Variants in EXOSC7 observed in about 807,000 individuals in gnomAD.
The protein encoded by EXOSC7 is exosome complex component RRP42.
EXOSC7 carries 25 observed loss-of-function variants against 34.3 expected under a neutral mutation model. The ratio of observed to expected loss-of-function variants is 0.73; its 90% CI spans 0.53 to 1.02. The LOEUF (loss-of-function observed/expected upper bound fraction) is 1.02, where lower values mean the gene tolerates loss of function less well. Ranked by LOEUF, EXOSC7 falls within the 50% of genes least tolerant of loss-of-function variation. The pLI is 0.00. For missense variants in EXOSC7, 370 were observed against 368.5 expected (o/e 1.00, Z -0.03); for synonymous variants, 130 against 143.0 (o/e 0.91, Z 0.65).
Position 45,011,393 on chromosome 3 carries a change from G to T in EXOSC7, c.*54G>T. On this transcript the variant is annotated 3_prime_UTR_variant, in exon 8 of 8. Transcript: ENST00000265564. ...TGTTTTTTACTTTTCCTTTTAAACC[G>T]GTTCGTATATATTTTTCTTCGCTGT... 8.8e-7 allele frequency: 1 copy of T among 1,138,482 alleles called. No homozygotes were observed. The highest frequency in any genetic ancestry group is 1.3e-6 in the Non-Finnish European group (1 of 776,498). 70.5% of individuals were successfully genotyped at this position (1,138,482 alleles called of 1,614,324 possible).
chr3:45,007,631 C>G, intron 7 of EXOSC7, 56 bp downstream of exon 7: 1 of 1,508,538 alleles, frequency 6.6e-7, no homozygotes, highest in Non-Finnish European at 8.9e-7. Flanking sequence ...CCTGCTGCTT[C>G]CTGCTCCCTT....
intron 3 of EXOSC7, among the ~76,000 whole-genome samples, chr3:44,994,912 G>A (rs1706679701): frequency 7.1e-6 from 1 of 140,184 alleles, no homozygotes; most frequent in Non-Finnish European, 1.6e-5. Context: ...TGTGTTTTAA[G>A]CCATTTAAAA....
intron 5 of EXOSC7, among the ~76,000 whole-genome samples, chr3:45,002,557 G>GT (rs1440151609): frequency 5.3e-5 from 8 of 152,068 alleles, no homozygotes; most frequent in African/African-American, 1.7e-4. Context: ...CCTCATCCTG[G>GT]TTTTTGTTTG....
rs373073765 is a variant in EXOSC7, at chr3:44,997,624, A to G, written c.420+372A>G. Among the ~76,000 whole-genome samples the G allele has an allele frequency of 1.4e-4, 21 of 152,330 alleles. No homozygotes were observed. The East Asian group carries it at 3.5e-3, about 25-fold the overall frequency. ...TGTGGAAGGATGATTAGCTCTTTAC[A>G]TGCATTTTCATTTAAACCTTATAAA... On this transcript the variant is annotated intron_variant, in intron 4 of 7. Coordinates refer to ENST00000265564, the MANE Select transcript of EXOSC7 (RefSeq NM_015004.4).
chr3:45,006,985 A>T (rs1177341792), intron 6 of EXOSC7, among the ~76,000 whole-genome samples: 1 of 152,000 alleles, frequency 6.6e-6, no homozygotes, highest in Non-Finnish European at 1.5e-5. Context: ...TCAGCTTCCC[A>T]AAGTGCTGGG....
rs1221283468 is a variant in EXOSC7, at chr3:45,000,993, G to A, written c.421-545G>A. Among the ~76,000 whole-genome samples, 3 of 152,180 alleles carry A rather than the reference G, an allele frequency of 2.0e-5. No individual in the cohort carries two copies. The South Asian group carries it at 6.2e-4, about 31-fold the overall frequency. ...GGCCACGTAAGCACAGCTATGACAA[G>A]GCAGTGCCTGTAATTAGGGTGAAGG... On this transcript the variant is annotated intron_variant, in intron 4 of 7. Coordinates refer to ENST00000265564, the MANE Select transcript of EXOSC7 (RefSeq NM_015004.4).
In EXOSC7 at chr3:45,005,303, T is replaced by C. The variant is rs777749627; in HGVS notation, c.504T>C (p.Val168=). 2 of 1,614,054 alleles carry C rather than the reference T, an allele frequency of 1.2e-6. No individual in the cohort carries two copies. Among genetic ancestry groups the C allele is most frequent in the South Asian group, 1.1e-5 (1 of 91,088 alleles). The part of the protein sequence containing the change: ...AALFNTRIPR[V]RVLEDEEGSK... Reference sequence around the variant, plus strand: ...CTTCTGCTTCCAGGATACCAAGGGTTCGAGTTTTGGAGGATGAAGAGGGGT... The same window carrying C: ...CTTCTGCTTCCAGGATACCAAGGGTCCGAGTTTTGGAGGATGAAGAGGGGT... Residue 168 remains valine, a synonymous_variant, in exon 6 of 8, where the codon GTT becomes GTC. Transcript: ENST00000265564.
At chr3:44,980,234 C>A (rs375465406) in intron 1 of EXOSC7, among the ~76,000 whole-genome samples, 3 of 152,062 alleles carry the variant, frequency 2.0e-5, no homozygotes, top group South Asian at 4.1e-4. Context: ...CTAGGTGATA[C>A]AATTTGAGTC....
intron 1 of EXOSC7, among the ~76,000 whole-genome samples, chr3:44,985,064 A>G (rs938999966): frequency 6.6e-5 from 10 of 152,352 alleles, no homozygotes; most frequent in East Asian, 1.9e-4. Flanking sequence ...CTTCTTGTCA[A>G]TAACCTTTCT....
At chr3:44,991,024 A>G (rs1243393053) in intron 3 of EXOSC7, among the ~76,000 whole-genome samples, 2 of 152,238 alleles carry the variant, frequency 1.3e-5, no homozygotes, top group Non-Finnish European at 1.5e-5. Flanking sequence ...CTCGTATAAG[A>G]GAAATGACAA....
intron 1 of EXOSC7, among the ~76,000 whole-genome samples, chr3:44,977,583 A>G (rs763667167): frequency 5.9e-5 from 9 of 152,226 alleles, no homozygotes; most frequent in Non-Finnish European, 1.2e-4. Context: ...AGTGGGACAT[A>G]TGTGTGTATT....
chr3:44,977,121 T>G (rs1173156116), intron 1 of EXOSC7: 1 of 152,240 alleles, frequency 6.6e-6, no homozygotes, highest in African/African-American at 2.4e-5. Context: ...AGCTATAACC[T>G]AATGTCCTCT....
intron 6 of EXOSC7, 85 bp downstream of exon 6, chr3:45,005,499 T>G: frequency 7.2e-7 from 1 of 1,391,078 alleles, no homozygotes; most frequent in Non-Finnish European, 1.0e-6. Flanking sequence ...CTTAATAAGT[T>G]AAGAAGTTGT....
intron 7 of EXOSC7, 61 bp downstream of exon 7, chr3:45,007,636 TC>T (rs1707090789): frequency 6.7e-7 from 1 of 1,484,386 alleles, no homozygotes; most frequent in Non-Finnish European, 9.0e-7. Context: ...TGCTTCCTGC[TC>T]CCTTGGTCAT....
chr3:44,993,564 G>A (rs544158109), intron 3 of EXOSC7, among the ~76,000 whole-genome samples: 6 of 152,090 alleles, frequency 3.9e-5, no homozygotes, highest in African/African-American at 1.4e-4. Context: ...GAGGGTAGAG[G>A]TGATGAGTCA....
chr3:45,008,872 A>C (rs1707128311), intron 7 of EXOSC7, among the ~76,000 whole-genome samples: 1 of 152,236 alleles, frequency 6.6e-6, no homozygotes, highest in Non-Finnish European at 1.5e-5. Flanking sequence ...ACAGTAAACA[A>C]ATAGCTGGAG....
intron 3 of EXOSC7, among the ~76,000 whole-genome samples, chr3:44,990,684 A>G (rs752324860): frequency 7.2e-5 from 11 of 152,226 alleles, no homozygotes; most frequent in Non-Finnish European, 4.4e-5. Context: ...TTAGAGACTC[A>G]GCACCCAAGA....
At chr3:45,006,036 A>G (rs1043855647) in intron 6 of EXOSC7, among the ~76,000 whole-genome samples, 4 of 149,066 alleles carry the variant, frequency 2.7e-5, no homozygotes, top group East Asian at 2.0e-4. Context: ...TGAAGTGTTC[A>G]GACAACAGGA....
chr3:45,010,241 T>C (rs918471649), intron 7 of EXOSC7, among the ~76,000 whole-genome samples: 1 of 152,160 alleles, frequency 6.6e-6, no homozygotes, highest in Non-Finnish European at 1.5e-5. Context: ...TATATTTTTT[T>C]ATATTGGGGT....
Sources: gnomAD v4.1 joint callset for allele counts (sites outside exome capture counted in the v4.1 genomes callset) on GRCh38, gnomAD v4.1.1 for gene constraint, MANE v1.5 for transcripts, NCBI Gene and HGNC (gene_info 2026-07-23, HGNC 2026-07-21) for gene names.